Variants in BRINP2 observed in about 807,000 individuals in gnomAD.
The protein encoded by BRINP2 is BMP/retinoic acid inducible neural specific 2.
BRINP2 carries 21 observed loss-of-function variants against 69.2 expected under a neutral mutation model. The observed-to-expected ratio is 0.30, with a 90% CI of 0.22 to 0.44. The LOEUF is 0.44. BRINP2 is among the 20% of genes least tolerant of loss of function. BRINP2 has a pLI of 1.00. For synonymous variants in BRINP2, 380 were observed against 394.1 expected, an observed-to-expected ratio of 0.96 and a Z score of 0.42; for missense variants, 877 against 986.0, an observed-to-expected ratio of 0.89 and a Z score of 1.48.
rs545534004 is a variant in BRINP2 at position 177,245,194 on chromosome 1, T to C, written c.270-10725T>C. On this transcript the variant is annotated intron_variant, in intron 2 of 7. Coordinates refer to ENST00000361539, the MANE Select transcript of BRINP2 (RefSeq NM_021165.4). ...GTGATAATGATGTATTCAGATCTTG[T>C]ATCCTAATGTACTCTCAGTGGCTCA... Among the ~76,000 whole-genome samples, 303 of 152,242 alleles carry C rather than the reference T, an allele frequency of 2.0e-3. 1 individual carries two copies. The highest frequency in any genetic ancestry group is 4.2e-3 in the Admixed American group (64 of 15,300).
chr1:177,180,137 T>C (rs563691564), intron 1 of BRINP2, among the ~76,000 whole-genome samples: 19 of 152,358 alleles, frequency 1.2e-4, no homozygotes, highest in South Asian at 4.1e-4. Flanking sequence ...TTTACTTATA[T>C]TATCTCATTT....
intron 1 of BRINP2, among the ~76,000 whole-genome samples, chr1:177,179,497 T>A (rs920982878): frequency 2.6e-5 from 4 of 152,166 alleles, no homozygotes; most frequent in Non-Finnish European, 5.9e-5. Context: ...TTGTCCCTCC[T>A]GTTCTTTTGG....
intron 2 of BRINP2, among the ~76,000 whole-genome samples, chr1:177,232,591 C>T (rs1649894851): frequency 6.6e-6 from 1 of 152,106 alleles, no homozygotes; most frequent in Non-Finnish European, 1.5e-5. Flanking sequence ...GGCTCATGCG[C>T]ACTTGTAGGG....
At chr1:177,215,175 T>C (rs1649339317) in intron 1 of BRINP2, among the ~76,000 whole-genome samples, 1 of 152,186 alleles carries the variant, frequency 6.6e-6, no homozygotes, top group African/African-American at 2.4e-5. Context: ...CTGTATTTGG[T>C]CTATGTCACT....
intron 1 of BRINP2, among the ~76,000 whole-genome samples, chr1:177,174,953 A>G (rs575779305): frequency 3.0e-4 from 45 of 152,312 alleles, no homozygotes; most frequent in African/African-American, 8.4e-4. Flanking sequence ...GCTTATCAAC[A>G]TGATATCAAA....
chr1:177,195,926 T>G (rs920799416), intron 1 of BRINP2, among the ~76,000 whole-genome samples: 3 of 152,184 alleles, frequency 2.0e-5, no homozygotes, highest in African/African-American at 7.2e-5. Context: ...TTTGGTGTAC[T>G]CCCCTCTCTG....
Position 177,281,578 on chromosome 1 carries a change from G to A in BRINP2, c.*50G>A, listed in dbSNP as rs779512781. On this transcript the variant is annotated 3_prime_UTR_variant, in exon 8 of 8. Coordinates refer to ENST00000361539, the MANE Select transcript of BRINP2 (RefSeq NM_021165.4). ...CAAGGAGGGGATCCATGAATCTGGG[G>A]TACAAAGATAATCTAAGCCCTCACC... is the stretch of plus-strand genomic sequence containing the variant. 6.5e-7 allele frequency: 1 copy of A among 1,528,456 alleles called. No homozygotes were observed. The highest frequency in any genetic ancestry group is 2.3e-5 in the East Asian group (1 of 44,406). The allele number at this position is 1,528,456 out of a possible 1,614,324, so 94.7% of individuals were successfully genotyped here.
intron 1 of BRINP2, among the ~76,000 whole-genome samples, chr1:177,204,601 C>T (rs375670343): frequency 1.1e-4 from 16 of 152,136 alleles, no homozygotes; most frequent in Non-Finnish European, 8.8e-5. Context: ...ATGCCCGGCT[C>T]TCTCTCTAAT....
At chr1:177,221,144 A>C (rs1558164720) in intron 1 of BRINP2, among the ~76,000 whole-genome samples, 1 of 151,708 alleles carries the variant, frequency 6.6e-6, no homozygotes, top group Non-Finnish European at 1.5e-5. Flanking sequence ...AGTATTAAGG[A>C]CTCCCCTTGG....
intron 6 of BRINP2, among the ~76,000 whole-genome samples, chr1:177,276,724 T>C (rs1221003746): frequency 3.3e-5 from 5 of 152,254 alleles, no homozygotes; most frequent in African/African-American, 1.2e-4. Flanking sequence ...TTTTTGCTAC[T>C]GCTTCCACAG....
At chr1:177,247,921 C>G (rs1558175749) in intron 2 of BRINP2, among the ~76,000 whole-genome samples, 1 of 152,112 alleles carries the variant, frequency 6.6e-6, no homozygotes, top group Non-Finnish European at 1.5e-5. Flanking sequence ...ACACTGACAC[C>G]AGGATAGGTT....
intron 6 of BRINP2, among the ~76,000 whole-genome samples, chr1:177,276,755 CA>C (rs1651508439): frequency 1.3e-5 from 2 of 152,196 alleles, no homozygotes. Context: ...AATGCTTGCA[CA>C]TAAGGTTCGC....
chr1:177,219,527 T>C (rs761788737), intron 1 of BRINP2, among the ~76,000 whole-genome samples: 2 of 152,246 alleles, frequency 1.3e-5, no homozygotes, highest in Non-Finnish European at 2.9e-5. Context: ...AGGCAACTCA[T>C]ATATTTACAA....
chr1:177,200,322 A>T (rs1460213711), intron 1 of BRINP2, among the ~76,000 whole-genome samples: 1 of 146,770 alleles, frequency 6.8e-6, no homozygotes, highest in Non-Finnish European at 1.5e-5. Flanking sequence ...AAAAAAAAAA[A>T]GAATGCATTA....
chr1:177,264,170 A>C (rs910509405), intron 4 of BRINP2, among the ~76,000 whole-genome samples: 4 of 152,242 alleles, frequency 2.6e-5, no homozygotes, highest in Non-Finnish European at 5.9e-5. Flanking sequence ...TCTACAACTT[A>C]AAGATCCCAT....
At position 177,281,474 on chromosome 1, in the gene BRINP2, C is replaced by T. The variant is rs1246987987; in HGVS notation, c.2298C>T (p.Phe766=). 1 of 1,612,956 alleles carries T rather than the reference C, an allele frequency of 6.2e-7. No individual in the cohort carries two copies. The highest frequency in any genetic ancestry group is 8.5e-7 in the Non-Finnish European group (1 of 1,179,960). ...VGRIQSSLRA[F]NSKLPNPVEY... Reference sequence around the variant, plus strand: ...GGATCCAGTCCTCCCTGAGGGCTTTCAATTCTAAGCTGCCAAACCCTGTGG... The same window carrying T: ...GGATCCAGTCCTCCCTGAGGGCTTTTAATTCTAAGCTGCCAAACCCTGTGG... Residue 766 remains phenylalanine (F), a synonymous_variant, in exon 8 of 8, where the codon TTC becomes TTT. Coordinates refer to ENST00000361539, the MANE Select transcript of BRINP2 (RefSeq NM_021165.4).
At chr1:177,227,951 G>A (rs1263195961) in intron 1 of BRINP2, among the ~76,000 whole-genome samples, 1 of 151,944 alleles carries the variant, frequency 6.6e-6, no homozygotes, top group Non-Finnish European at 1.5e-5. Context: ...TCTTCTTTCA[G>A]CCCCCACCTC....
At position 177,281,311 on chromosome 1, in the gene BRINP2, C is replaced by G; in HGVS notation, c.2135C>G (p.Ser712Cys). ...TTGGACTACCCATATACTCAAGGTT[C>G]CCAGGACTCTGCACTCTTGCAGCTC... ...LQLDYPYTQG[S>C]QDSALLQLIE... Residue 712 changes from serine to cysteine, a missense_variant, in exon 8 of 8, where the codon TCC becomes TGC. Around this residue, in one of 3 missense-constraint regions of BRINP2, gnomAD observed 225 missense variants for 218.7 expected, o/e 1.03. Coordinates refer to ENST00000361539, the MANE Select transcript of BRINP2 (RefSeq NM_021165.4). 1 of 1,614,120 alleles carries G rather than the reference C, an allele frequency of 6.2e-7. No homozygotes were observed. The highest frequency in any genetic ancestry group is 8.5e-7 in the Non-Finnish European group (1 of 1,180,032).
chr1:177,212,544 C>CA (rs56173149), intron 1 of BRINP2, among the ~76,000 whole-genome samples: 1,317 of 122,182 alleles, frequency 0.011, 5 homozygotes, highest in Middle Eastern at 0.015. Flanking sequence ...GACTCTGTCT[C>CA]AAAAAAAAAA....
Sources: gnomAD v4.1 joint callset for allele counts (sites outside exome capture counted in the v4.1 genomes callset) on GRCh38, gnomAD v4.1.1 for gene constraint, gnomAD v4.1.1 regional missense constraint, MANE v1.5 for transcripts, NCBI Gene and HGNC (gene_info 2026-07-23, HGNC 2026-07-21) for gene names.